The following ZNF470 variants were observed in gnomAD, a reference collection of about 807,000 sequenced individuals.
ZNF470 encodes chondrogenesis zinc finger protein 1.
ZNF470 carries 13 observed loss-of-function variants against 13.9 expected under a neutral mutation model. The observed-to-expected ratio is 0.94, with a 90% CI of 0.61 to 1.49. The LOEUF (loss-of-function observed/expected upper bound fraction) is 1.49, where lower values mean the gene tolerates loss of function less well. Ranked by LOEUF, ZNF470 falls within the 40% of genes most tolerant of loss-of-function variation. The pLI is 0.00. For missense variants in ZNF470, 929 were observed against 857.3 expected, an observed-to-expected ratio of 1.08 and a Z score of -1.04; for synonymous variants, 293 against 282.9, an observed-to-expected ratio of 1.04 and a Z score of -0.36.
rs2044520975 is a variant in ZNF470 at position 56,579,672 on chromosome 19, A to G, written c.*1089A>G. 1.0e-6 allele frequency: 1 copy of G among 985,348 alleles called. No homozygotes were observed. Among genetic ancestry groups the G allele is most frequent in the African/African-American group, 1.7e-5 (1 of 57,256 alleles). 61.0% of individuals were successfully genotyped at this position (985,348 alleles called of 1,614,324 possible). A position where few individuals can be genotyped will look rare whatever the true frequency, so the allele number is the denominator to read the frequency against. On this transcript the variant is annotated 3_prime_UTR_variant, in exon 6 of 6. Coordinates refer to ENST00000330619, the MANE Select transcript of ZNF470 (RefSeq NM_001001668.4). ...TTCCATGAGATTGACAAGACATGCC[A>G]AAACATAAAAATATGTACACTGCAA...
chr19:56,571,167 C>T (rs990347724), intron 3 of ZNF470, among the ~76,000 whole-genome samples: 4 of 152,312 alleles, frequency 2.6e-5, no homozygotes, highest in Non-Finnish European at 5.9e-5. Flanking sequence ...ACCATGGAGC[C>T]GTGAACATCT....
In ZNF470 at chr19:56,574,325, A is replaced by T. The variant is rs1217672469; in HGVS notation, c.61-69A>T. On this transcript the variant is annotated intron_variant, in intron 3 of 5. Coordinates refer to ENST00000330619, the MANE Select transcript of ZNF470 (RefSeq NM_001001668.4). ...TTAATCCCAAAGTGAGAACAGCATA[A>T]CTCTTTACCCTAGAGCTGCATTGGA... 3.7e-6 allele frequency: 6 copies of T among 1,609,418 alleles called. No individual in the cohort carries two copies. In the African/African-American group the frequency reaches 5.3e-5, roughly 14 times the overall value.
Position 56,582,565 on chromosome 19 carries a change from G to A in ZNF470, c.*3982G>A. The A allele has an allele frequency of 1.0e-6, 1 of 985,332 alleles. No individual in the cohort carries two copies. Among genetic ancestry groups the A allele is most frequent in the Non-Finnish European group, 1.2e-6 (1 of 829,918 alleles). 61.0% of individuals were successfully genotyped at this position (985,332 alleles called of 1,614,324 possible). On this transcript the variant is annotated 3_prime_UTR_variant, in exon 6 of 6. Coordinates refer to ENST00000330619, the MANE Select transcript of ZNF470 (RefSeq NM_001001668.4). ...TTCCCACCAGCACCACCAAATGCTGGCCTCTACCACCACCAAATTTACTTG... is the reference window on the plus strand; with the variant it reads ...TTCCCACCAGCACCACCAAATGCTGACCTCTACCACCACCAAATTTACTTG...
intron 3 of ZNF470, among the ~76,000 whole-genome samples, chr19:56,570,917 G>A (rs372370938): frequency 5.3e-4 from 80 of 152,282 alleles, no homozygotes; most frequent in South Asian, 2.1e-3. Flanking sequence ...GTAACAGGCC[G>A]CACAATATGG....
In ZNF470 at chr19:56,579,442, A is replaced by G; in HGVS notation, c.*859A>G. On this transcript the variant is annotated 3_prime_UTR_variant, in exon 6 of 6. Transcript: ENST00000330619. ...GTCTCAAGGAAAAACAAAGAACAAA[A>G]GCATTTGGTAGAATGTAGGACTAAC... is the stretch of plus-strand genomic sequence containing the variant. The G allele has an allele frequency of 1.0e-6, 1 of 985,432 alleles. No homozygotes were observed. The highest frequency in any genetic ancestry group is 1.2e-6 in the Non-Finnish European group (1 of 829,944). 61.0% of individuals were successfully genotyped at this position (985,432 alleles called of 1,614,324 possible). A position where few individuals can be genotyped will look rare whatever the true frequency, so the allele number is the denominator to read the frequency against.
intron 4 of ZNF470, 30 bp downstream of exon 4, chr19:56,574,550 C>A: frequency 1.2e-6 from 2 of 1,612,676 alleles, no homozygotes; most frequent in Non-Finnish European, 1.7e-6. Context: ...GTTGCCTCCC[C>A]ATGACTCAGT....
chr19:56,568,975 C>T (rs1600562510), intron 2 of ZNF470, 92 bp downstream of exon 2: 1 of 152,142 alleles, frequency 6.6e-6, no homozygotes, highest in Admixed American at 6.5e-5. Context: ...CTCCACTGAG[C>T]AGGTTTGGGG....
rs2147991915 is a variant in ZNF470 at position 56,582,710 on chromosome 19, A to G, written c.*4127A>G. 4 of 301,454 alleles carry G rather than the reference A, an allele frequency of 1.3e-5. No individual in the cohort carries two copies. In the South Asian group the frequency reaches 3.9e-4, roughly 30 times the overall value. 18.7% of individuals were successfully genotyped at this position (301,454 alleles called of 1,614,324 possible). ...TAGGACTAGTGTCCTTATAAGAGGAAGAGACACCAGAGGTTTGTCTCTCCA... is the reference window on the plus strand; with the variant it reads ...TAGGACTAGTGTCCTTATAAGAGGAGGAGACACCAGAGGTTTGTCTCTCCA... On this transcript the variant is annotated 3_prime_UTR_variant, in exon 6 of 6. Coordinates refer to ENST00000330619, the MANE Select transcript of ZNF470 (RefSeq NM_001001668.4).
Position 56,582,308 on chromosome 19 carries a change from A to C in ZNF470, c.*3725A>C, listed in dbSNP as rs899184793. 8 of 985,236 alleles carry C rather than the reference A, an allele frequency of 8.1e-6. No homozygotes were observed. Among genetic ancestry groups the C allele is most frequent in the Admixed American group, 1.2e-4 (2 of 16,242 alleles). 61.0% of individuals were successfully genotyped at this position (985,236 alleles called of 1,614,324 possible). ...GGTATCTAACTGCTTGGAATAACTT[A>C]AAGTTTAGCTCTTGAATTTCTAGCA... On this transcript the variant is annotated 3_prime_UTR_variant, in exon 6 of 6. Coordinates refer to ENST00000330619, the MANE Select transcript of ZNF470 (RefSeq NM_001001668.4).
At position 56,582,267 on chromosome 19, in the gene ZNF470, A is replaced by T; in HGVS notation, c.*3684A>T. 3.0e-6 allele frequency: 3 copies of T among 985,412 alleles called. No homozygotes were observed. The highest frequency in any genetic ancestry group is 3.6e-6 in the Non-Finnish European group (3 of 829,928). 61.0% of individuals were successfully genotyped at this position (985,412 alleles called of 1,614,324 possible). On this transcript the variant is annotated 3_prime_UTR_variant, in exon 6 of 6. Transcript: ENST00000330619. ...GAGGATGGAGAATGCTGAATCCAAA[A>T]GGTATATGTAATACTGGTATCTAAC...
In ZNF470 at chr19:56,567,486, A is replaced by AAG; in HGVS notation, c.-710_-709dup. 2 of 985,880 alleles carry AAG rather than the reference A, an allele frequency of 2.0e-6. No homozygotes were observed. The highest frequency in any genetic ancestry group is 2.4e-6 in the Non-Finnish European group (2 of 830,308). 61.1% of individuals were successfully genotyped at this position (985,880 alleles called of 1,614,324 possible). Reference sequence around the variant, plus strand: ...CACGCCCACTTCCGGAAAGGACCCAAAGCCGGGCGAGTGCACGTCCCGCCG... The same window carrying AAG: ...CACGCCCACTTCCGGAAAGGACCCAAAGAGCCGGGCGAGTGCACGTCCCGCCG... On this transcript the variant is annotated 5_prime_UTR_variant, in exon 1 of 6. Coordinates refer to ENST00000330619, the MANE Select transcript of ZNF470 (RefSeq NM_001001668.4).
At position 56,570,313 on chromosome 19, in the gene ZNF470, TGAA is replaced by T. The variant is rs745790816; in HGVS notation, c.5_7del (p.Lys2?). 19 of 1,613,946 alleles carry T rather than the reference TGAA, an allele frequency of 1.2e-5. No homozygotes were observed. In the African/African-American group the frequency reaches 2.5e-4, roughly 22 times the overall value. On this transcript the variant is annotated start_lost and inframe_deletion, in exon 3 of 6. Transcript: ENST00000330619. ...TCCCAGAGTAAAGCTCTTCTCCAAATGAAGAGCCAGGAAGAGGTAGAGGTGGCA... is the reference window on the plus strand; with the variant it reads ...TCCCAGAGTAAAGCTCTTCTCCAAATGAGCCAGGAAGAGGTAGAGGTGGCA...
rs563423374 is a variant in ZNF470 at position 56,575,622 on chromosome 19, C to CATTTT, written c.283+906_283+910dup. On this transcript the variant is annotated intron_variant, in intron 5 of 5. Transcript: ENST00000330619. ...TAGACTTTTCCTACTTTCAGTTCTT[C>CATTTT]ATTTTATTTTATTTTATTTTACTTT... Among the ~76,000 whole-genome samples the CATTTT allele has an allele frequency of 1.4e-4, 21 of 152,072 alleles. No individual in the cohort carries two copies. In the East Asian group the frequency reaches 1.9e-3, roughly 14 times the overall value.
Position 56,577,563 on chromosome 19 carries a change from G to T in ZNF470, c.1134G>T (p.Arg378Ser). Residue 378 changes from arginine (R) to serine (S), a missense_variant, in exon 6 of 6, where the codon AGG becomes AGT. Physicochemically the swap from Arg to Ser is moderately radical, Grantham distance 110. Transcript: ENST00000330619. ...GTATTGACTGTGGGAAAGCTTTCAGGCAGAATGCTTCTCTTATACGTCATC... is the reference window on the plus strand; with the variant it reads ...GTATTGACTGTGGGAAAGCTTTCAGTCAGAATGCTTCTCTTATACGTCATC... Reference protein sequence around the residue: ...YECIDCGKAFRQNASLIRHRR... With the variant: ...YECIDCGKAFSQNASLIRHRR... The T allele has an allele frequency of 6.2e-7, 1 of 1,614,050 alleles. No homozygotes were observed. The highest frequency in any genetic ancestry group is 8.5e-7 in the Non-Finnish European group (1 of 1,180,002).
rs771643675 is a variant in ZNF470 at position 56,577,759 on chromosome 19, CAG to C, written c.1334_1335del (p.Arg445AsnfsTer9). 5 of 1,613,876 alleles carry C rather than the reference CAG, an allele frequency of 3.1e-6. No homozygotes were observed. Among genetic ancestry groups the C allele is most frequent in the Non-Finnish European group, 4.2e-6 (5 of 1,179,940 alleles). ...FSHGSSLTVH[Q>X]RIHTGEKPYE... ...CCATGGCTCATCTCTGACAGTACAT[CAG>C]AGAATTCATACAGGAGAGAAACCTT... On this transcript the variant is annotated frameshift_variant, in exon 6 of 6. Transcript: ENST00000330619. LOFTEE classifies it low-confidence loss of function (END_TRUNC).
In ZNF470 at chr19:56,581,233, C is replaced by A; in HGVS notation, c.*2650C>A. The A allele has an allele frequency of 1.7e-6, 1 of 592,612 alleles. No individual in the cohort carries two copies. The allele number at this position is 592,612 out of a possible 1,614,324, so 36.7% of individuals were successfully genotyped here. A position where few individuals can be genotyped will look rare whatever the true frequency, so the allele number is the denominator to read the frequency against. On this transcript the variant is annotated 3_prime_UTR_variant, in exon 6 of 6. Coordinates refer to ENST00000330619, the MANE Select transcript of ZNF470 (RefSeq NM_001001668.4). ...CCATTCACAAAAGATGCAATAAAAGCAGTTAATGAAAATTATCCAATATCA... is the reference window on the plus strand; with the variant it reads ...CCATTCACAAAAGATGCAATAAAAGAAGTTAATGAAAATTATCCAATATCA...
At chr19:56,569,076 A>G (rs1341661914) in intron 2 of ZNF470, among the ~76,000 whole-genome samples, 193 bp downstream of exon 2, 5 of 152,216 alleles carry the variant, frequency 3.3e-5, no homozygotes, top group Non-Finnish European at 4.4e-5. Flanking sequence ...TAAGGATTAA[A>G]TGACCTCATA....
intron 2 of ZNF470, among the ~76,000 whole-genome samples, chr19:56,569,444 A>T (rs1223139080): frequency 2.0e-5 from 3 of 152,226 alleles, no homozygotes; most frequent in Non-Finnish European, 4.4e-5. Flanking sequence ...CCAACTGCAC[A>T]GAGGACTTAT....
Position 56,581,294 on chromosome 19 carries a change from T to A in ZNF470, c.*2711T>A. 2 of 730,892 alleles carry A rather than the reference T, an allele frequency of 2.7e-6. No homozygotes were observed. The highest frequency in any genetic ancestry group is 3.3e-6 in the Non-Finnish European group (2 of 597,890). The allele number at this position is 730,892 out of a possible 1,614,324, so 45.3% of individuals were successfully genotyped here. On this transcript the variant is annotated 3_prime_UTR_variant, in exon 6 of 6. Coordinates refer to ENST00000330619, the MANE Select transcript of ZNF470 (RefSeq NM_001001668.4). ...AGAAATGCAAATTAAAGTGATTATC[T>A]ACTTTTTCCCCAAAAGACTGACTAA...
Sources: gnomAD v4.1 joint callset for allele counts (sites outside exome capture counted in the v4.1 genomes callset) on GRCh38, gnomAD v4.1.1 for gene constraint, MANE v1.5 for transcripts, NCBI Gene and HGNC (gene_info 2026-07-23, HGNC 2026-07-21) for gene names.